Variants in CSMD1 observed in about 807,000 individuals in gnomAD.
The protein encoded by CSMD1 is CUB and sushi domain-containing protein 1.
Under a neutral mutation model 417.5 loss-of-function variants are expected in CSMD1, and 213 were observed. That is an observed-to-expected ratio of 0.51 (90% CI 0.46 to 0.57). The LOEUF is 0.57. Ranked by LOEUF, CSMD1 falls within the 20% of genes least tolerant of loss-of-function variation. The pLI is 0.00. For synonymous variants in CSMD1, 2,862 were observed against 1,736.8 expected (o/e 1.65, Z -16.11); for missense variants, 6,923 against 4,529.7 (o/e 1.53, Z -15.17).
intron 2 of CSMD1, among the ~76,000 whole-genome samples, chr8:4,421,961 T>C (rs1035157958): frequency 1.3e-5 from 2 of 151,928 alleles, no homozygotes; most frequent in Non-Finnish European, 2.9e-5. Context: ...TCATTAAACA[T>C]CAAATATTAC....
chr8:4,698,903 AACAC>A (rs71988727), intron 1 of CSMD1, among the ~76,000 whole-genome samples: 8,357 of 140,048 alleles, frequency 0.06, 273 homozygotes, highest in Middle Eastern at 0.072. Flanking sequence ...ATACCCTCCC[AACAC>A]ACACACACAC....
chr8:4,307,298 C>T (rs1432214739), intron 3 of CSMD1, among the ~76,000 whole-genome samples: 2 of 152,030 alleles, frequency 1.3e-5, no homozygotes, highest in African/African-American at 2.4e-5. Flanking sequence ...ATATATTAAT[C>T]CCCTAGCACA....
intron 3 of CSMD1, among the ~76,000 whole-genome samples, chr8:4,136,588 C>T (rs747833235): frequency 2.0e-5 from 3 of 152,120 alleles, no homozygotes; most frequent in African/African-American, 7.2e-5. Flanking sequence ...TCAGAAGATG[C>T]CAATTCCAGC....
chr8:3,248,979 C>G (rs1272658196), intron 26 of CSMD1, among the ~76,000 whole-genome samples: 1 of 152,084 alleles, frequency 6.6e-6, no homozygotes, highest in Non-Finnish European at 1.5e-5. Flanking sequence ...CTTTTACCTT[C>G]TCTAGAAGGT....
intron 5 of CSMD1, among the ~76,000 whole-genome samples, chr8:3,772,506 CACATATATACATATAT>C (rs1798654440): frequency 5.7e-5 from 1 of 17,498 alleles, no homozygotes; most frequent in African/African-American, 1.1e-4. Context: ...TACATATATA[CACATATATACATATAT>C]ACACATATAT....
At chr8:4,223,435 G>A (rs774817079) in intron 3 of CSMD1, among the ~76,000 whole-genome samples, 18 of 152,234 alleles carry the variant, frequency 1.2e-4, no homozygotes, top group Non-Finnish European at 2.4e-4. Flanking sequence ...GATACGTGAC[G>A]AATAGGCTGA....
At chr8:4,575,345 A>G (rs1228688803) in intron 2 of CSMD1, among the ~76,000 whole-genome samples, 1 of 152,222 alleles carries the variant, frequency 6.6e-6, no homozygotes, top group Non-Finnish European at 1.5e-5. Context: ...ATAACAGGTC[A>G]CATTTTTATT....
At chr8:3,180,491 T>G (rs1269030605) in intron 37 of CSMD1, among the ~76,000 whole-genome samples, 1 of 152,222 alleles carries the variant, frequency 6.6e-6, no homozygotes, top group East Asian at 1.9e-4. Flanking sequence ...TAATTACTCA[T>G]AAAAAACTAG....
At chr8:3,744,333 C>A in intron 6 of CSMD1, among the ~76,000 whole-genome samples, 1 of 152,036 alleles carries the variant, frequency 6.6e-6, no homozygotes, top group East Asian at 1.9e-4. Context: ...GCCTGTGATA[C>A]CCTGTGGGCT....
At chr8:4,443,482 T>C (rs187149512) in intron 2 of CSMD1, among the ~76,000 whole-genome samples, 2 of 152,358 alleles carry the variant, frequency 1.3e-5, no homozygotes, top group Non-Finnish European at 2.9e-5. Flanking sequence ...TTTCATCTTA[T>C]GTGTTTCTTT....
intron 3 of CSMD1, among the ~76,000 whole-genome samples, chr8:4,358,023 C>G (rs909448946): frequency 6.6e-6 from 1 of 152,066 alleles, no homozygotes; most frequent in African/African-American, 2.4e-5. Flanking sequence ...AACTTCTGTC[C>G]TGAGGAATAC....
chr8:4,338,967 G>C (rs920619505), intron 3 of CSMD1, among the ~76,000 whole-genome samples: 1 of 152,086 alleles, frequency 6.6e-6, no homozygotes, highest in Non-Finnish European at 1.5e-5. Context: ...TGGGCATACA[G>C]TCAATGATCA....
chr8:3,994,447 G>GAAAAAAAAAAAAAAAAAAAAAA (rs56184992), intron 5 of CSMD1, among the ~76,000 whole-genome samples: 1 of 119,150 alleles, frequency 8.4e-6, no homozygotes. Context: ...AATCTCTTCA[G>GAAAAAAAAAAAAAAAAAAAAAA]AAAAAAAAAA....
intron 5 of CSMD1, among the ~76,000 whole-genome samples, chr8:3,991,860 C>A (rs960447202): frequency 6.6e-6 from 1 of 152,066 alleles, no homozygotes; most frequent in Non-Finnish European, 1.5e-5. Context: ...TACTTTGAAG[C>A]CTATTTTTCT....
At chr8:4,222,118 C>T (rs1330262269) in intron 3 of CSMD1, among the ~76,000 whole-genome samples, 3 of 146,328 alleles carry the variant, frequency 2.1e-5, no homozygotes, top group African/African-American at 7.5e-5. Flanking sequence ...AAAAAAAAAA[C>T]AGAAGCAAGT....
rs146701360 is a variant in CSMD1, at chr8:4,953,322, C to G, written c.85+41010G>C. 4.6e-3 allele frequency among the ~76,000 whole-genome samples: 695 copies of G among 152,176 alleles called. 6 individuals carry two copies. Among genetic ancestry groups the G allele is most frequent in the African/African-American group, 0.016 (668 of 41,534 alleles). On this transcript the variant is annotated intron_variant, in intron 1 of 69. Coordinates refer to ENST00000635120, the MANE Select transcript of CSMD1 (RefSeq NM_033225.6). ...AGTACAATATCTATTCACAATTGAACTTGTTGTAACTTTTCATTAACAGAT... is the reference window on the plus strand; with the variant it reads ...AGTACAATATCTATTCACAATTGAAGTTGTTGTAACTTTTCATTAACAGAT...
intron 1 of CSMD1, among the ~76,000 whole-genome samples, chr8:4,895,365 G>C (rs1023608641): frequency 5.3e-5 from 8 of 152,204 alleles, no homozygotes; most frequent in African/African-American, 1.9e-4. Context: ...GTAACAGCAT[G>C]TTTAGCTCAG....
chr8:3,175,475 CCCTTCCTT>C (rs201071094), intron 37 of CSMD1, among the ~76,000 whole-genome samples: 16 of 132,572 alleles, frequency 1.2e-4, no homozygotes, highest in Admixed American at 1.2e-3. Context: ...TCCTTCTTTT[CCCTTCCTT>C]CCTGCCTGCC....
intron 5 of CSMD1, among the ~76,000 whole-genome samples, chr8:3,919,268 G>A (rs773484395): frequency 6.6e-6 from 1 of 151,550 alleles, no homozygotes; most frequent in African/African-American, 2.4e-5. Context: ...TTTCTTCTAG[G>A]AGTTTTGCGG....
Sources: allele counts gnomAD v4.1 joint callset (sites outside exome capture counted in the v4.1 genomes callset), GRCh38; gene constraint gnomAD v4.1.1; transcripts MANE v1.5; gene names NCBI Gene and HGNC (gene_info 2026-07-23, HGNC 2026-07-21).